FRMPD3: variants seen among roughly 807,000 people sequenced by gnomAD.
FRMPD3 encodes the protein FERM and PDZ domain containing 3, also known as FERM and PDZ domain-containing protein 3.
In FRMPD3, 42 loss-of-function variants were observed where a neutral mutation model predicts 97.9. The observed-to-expected ratio is 0.43, with a 90% CI of 0.34 to 0.55. The LOEUF is 0.55. Ranked by LOEUF, FRMPD3 falls within the 20% of genes least tolerant of loss-of-function variation. FRMPD3 has a pLI of 0.03. For missense variants in FRMPD3, 1,303 were observed against 1,457.7 expected (o/e 0.89, Z 1.73); for synonymous variants, 577 against 581.1 (o/e 0.99, Z 0.10).
At chrX:107,576,555 G>C in intron 13 of FRMPD3, 96 bp downstream of exon 13, 1 of 941,341 alleles carries the variant, frequency 1.1e-6, no homozygotes, top group Non-Finnish European at 1.5e-6. Context: ...TGCTCACCCC[G>C]TGCCAACAGT....
At position 107,570,786 on chromosome X, in the gene FRMPD3, G is replaced by C. The variant is rs1354169004; in HGVS notation, c.1297-5529G>C. Among the ~76,000 whole-genome samples the C allele has an allele frequency of 2.7e-5, 3 of 111,258 alleles. No homozygotes were observed. In the East Asian group the frequency reaches 8.4e-4, roughly 31 times the overall value. On this transcript the variant is annotated intron_variant, in intron 12 of 14. Coordinates refer to ENST00000683843, the MANE Select transcript of FRMPD3 (RefSeq NM_001388459.1). Reference sequence around the variant, plus strand: ...TTTCAGGGATGCTAGAGTGAGCGAAGGCTACCCCAGGGAAAATCCTTTTCC... The same window carrying C: ...TTTCAGGGATGCTAGAGTGAGCGAACGCTACCCCAGGGAAAATCCTTTTCC...
At chrX:107,579,075 A>G (rs1156907931) in intron 13 of FRMPD3, among the ~76,000 whole-genome samples, 1 of 111,980 alleles carries the variant, frequency 8.9e-6, no homozygotes, top group Non-Finnish European at 1.9e-5. Context: ...CCCAATGCCA[A>G]CTGTTGTTCC....
chrX:107,596,213 G>A (rs928743388), intron 13 of FRMPD3, among the ~76,000 whole-genome samples: 8 of 111,628 alleles, frequency 7.2e-5, no homozygotes, highest in African/African-American at 9.8e-5. Flanking sequence ...TGAGTTATAA[G>A]GGTAATGGCT....
At chrX:107,519,847 A>G (rs997740006) in intron 1 of FRMPD3, among the ~76,000 whole-genome samples, 11 of 111,590 alleles carry the variant, frequency 9.9e-5, no homozygotes, top group African/African-American at 3.6e-4. Flanking sequence ...AAAACCAAAA[A>G]CCCCAGTTTC....
At chrX:107,577,768 A>G (rs757877465) in intron 13 of FRMPD3, among the ~76,000 whole-genome samples, 2 of 111,408 alleles carry the variant, frequency 1.8e-5, no homozygotes, top group South Asian at 3.8e-4. Flanking sequence ...CCCCACCCAC[A>G]CACATCTTCT....
At chrX:107,579,660 CTTAG>C (rs1171522118) in intron 13 of FRMPD3, among the ~76,000 whole-genome samples, 22 of 111,548 alleles carry the variant, frequency 2.0e-4, no homozygotes, top group African/African-American at 7.2e-4. Flanking sequence ...AGGCTTTGAG[CTTAG>C]AGAAAGGTCC....
In FRMPD3 at chrX:107,514,905, G is replaced by T. The variant is rs1405891290; in HGVS notation, c.-7-11677G>T. On this transcript the variant is annotated intron_variant, in intron 1 of 14. Transcript: ENST00000683843. The stretch of plus-strand genomic sequence containing the variant: ...GGTGGGGAGGTAAGGGAAAGGGAGA[G>T]ACAGGCCTCAAGAATGACTCTCAGG... 4.5e-5 allele frequency among the ~76,000 whole-genome samples: 5 copies of T among 111,221 alleles called. No homozygotes were observed. In the East Asian group the frequency reaches 8.5e-4, roughly 19 times the overall value.
intron 1 of FRMPD3, among the ~76,000 whole-genome samples, chrX:107,516,705 C>G (rs1211038699): frequency 1.8e-5 from 2 of 110,516 alleles, no homozygotes; most frequent in Admixed American, 9.6e-5. Context: ...TATCCTTCGC[C>G]CACTTGTTGA....
chrX:107,592,171 G>T (rs1923940089), intron 13 of FRMPD3, among the ~76,000 whole-genome samples: 2 of 110,742 alleles, frequency 1.8e-5, no homozygotes, highest in African/African-American at 6.6e-5. Flanking sequence ...CCACTTGTAA[G>T]TGAGAACATA....
intron 1 of FRMPD3, among the ~76,000 whole-genome samples, chrX:107,510,156 A>G (rs187196843): frequency 1.5e-3 from 167 of 111,836 alleles, no homozygotes; most frequent in African/African-American, 5.0e-3. Flanking sequence ...CTGAATACTT[A>G]GGGAATGGAT....
chrX:107,531,892 G>C (rs1015927977), intron 3 of FRMPD3, among the ~76,000 whole-genome samples: 2 of 111,727 alleles, frequency 1.8e-5, no homozygotes, highest in African/African-American at 6.5e-5. Flanking sequence ...AGCTCCTTCA[G>C]GGTTAAAGCA....
intron 1 of FRMPD3, among the ~76,000 whole-genome samples, chrX:107,501,036 C>A (rs1217718889): frequency 9.0e-6 from 1 of 111,383 alleles, no homozygotes; most frequent in Non-Finnish European, 1.9e-5. Context: ...CTTCCTTAAT[C>A]AGGGCAATTT....
intron 1 of FRMPD3, among the ~76,000 whole-genome samples, chrX:107,500,805 C>CA (rs768889360): frequency 0.045 from 1,537 of 33,929 alleles, 57 homozygotes; most frequent in African/African-American, 0.11. Context: ...AAGACTCTGT[C>CA]AAAAAAAAAA....
At chrX:107,467,674 T>A (rs765339095) in intron 1 of FRMPD3, among the ~76,000 whole-genome samples, 1 of 111,035 alleles carries the variant, frequency 9.0e-6, no homozygotes, top group South Asian at 3.9e-4. Context: ...AGATTATTTC[T>A]GTTTTTAGAT....
At chrX:107,472,647 A>G (rs1329614762) in intron 1 of FRMPD3, among the ~76,000 whole-genome samples, 1 of 111,803 alleles carries the variant, frequency 8.9e-6, no homozygotes, top group Non-Finnish European at 1.9e-5. Flanking sequence ...TGAAAGGTGC[A>G]TGGGCTCCCT....
At chrX:107,591,251 G>A (rs771692644) in intron 13 of FRMPD3, among the ~76,000 whole-genome samples, 23 of 107,965 alleles carry the variant, frequency 2.1e-4, no homozygotes, top group Non-Finnish European at 3.6e-4. Context: ...TCCACCTCCC[G>A]GGTTCAAACT....
At chrX:107,559,780 C>T (rs1201142788) in intron 8 of FRMPD3, among the ~76,000 whole-genome samples, 1 of 110,930 alleles carries the variant, frequency 9.0e-6, no homozygotes, top group Non-Finnish European at 1.9e-5. Context: ...AATGCCTCCC[C>T]CATCCCTGCA....
At chrX:107,573,266 A>G (rs1361751339) in intron 12 of FRMPD3, among the ~76,000 whole-genome samples, 3 of 111,216 alleles carry the variant, frequency 2.7e-5, no homozygotes, top group Non-Finnish European at 3.8e-5. Context: ...AAGCAGTGGC[A>G]GTAGGGATGG....
intron 1 of FRMPD3, among the ~76,000 whole-genome samples, chrX:107,452,426 G>A (rs780633984): frequency 1.8e-3 from 205 of 112,007 alleles, no homozygotes; most frequent in Non-Finnish European, 3.2e-3. Context: ...CCTATCTCTC[G>A]CTGGCACCCA....
Sources: allele counts gnomAD v4.1 joint callset (sites outside exome capture counted in the v4.1 genomes callset), GRCh38; gene constraint gnomAD v4.1.1; transcripts MANE v1.5; gene names NCBI Gene and HGNC (gene_info 2026-07-23, HGNC 2026-07-21).